The following SP3 variants were observed in gnomAD, a reference collection of about 807,000 sequenced individuals.
The protein encoded by SP3 is transcription factor Sp3.
SP3 carries 10 observed loss-of-function variants against 70.3 expected under a neutral mutation model. That is an observed-to-expected ratio of 0.14 (90% CI 0.09 to 0.24). The LOEUF (loss-of-function observed/expected upper bound fraction) is 0.24. Ranked by LOEUF, SP3 falls within the 10% of genes least tolerant of loss-of-function variation. The pLI is 1.00. For synonymous variants in SP3, 402 were observed against 333.5 expected, an observed-to-expected ratio of 1.21 and a Z score of -2.24; for missense variants, 825 against 914.6, an observed-to-expected ratio of 0.90 and a Z score of 1.26.
chr2:173,963,075 C>A (rs1691137856), intron 3 of SP3: 1 of 152,186 alleles, frequency 6.6e-6, no homozygotes, highest in African/African-American at 2.4e-5. Flanking sequence ...CTTACACATA[C>A]TTTTCTAACA....
At position 173,963,871 on chromosome 2, in the gene SP3, A is replaced by G; in HGVS notation, c.169T>C (p.Ser57Pro). 1 of 1,507,118 alleles carries G rather than the reference A, an allele frequency of 6.6e-7. No homozygotes were observed. The highest frequency in any genetic ancestry group is 8.9e-7 in the Non-Finnish European group (1 of 1,125,642). 93.4% of individuals were successfully genotyped at this position (1,507,118 alleles called of 1,614,324 possible). A position where few individuals can be genotyped will look rare whatever the true frequency, so the allele number is the denominator to read the frequency against. The change falls in exon 3 of 7, where the codon TCA becomes CCA. Residue 57 changes from serine (S) to proline (P), a missense_variant. Transcript: ENST00000310015. Reference sequence around the variant, plus strand: ...GTAGCGGCCAGCAGAGCGAGCGGTGACGGCTGAGTGTCCTACCCCCAATGG... The same window carrying G: ...GTAGCGGCCAGCAGAGCGAGCGGTGGCGGCTGAGTGTCCTACCCCCAATGG... ...AAAAAQDTQP[S>P]PLALLAATCS...
intron 1 of SP3, chr2:173,964,831 TTCGCGCCGCTCGCTCTCACTCGCGC>T: frequency 2.2e-6 from 1 of 464,686 alleles, no homozygotes; most frequent in South Asian, 3.3e-5. Flanking sequence ...CCCCTTTCCC[TTCGCGCCGCTCGCTCTCACTCGCGC>T]TCGCTCCTCT....
chr2:173,916,693 C>G (rs1461132439), intron 5 of SP3: 1 of 152,046 alleles, frequency 6.6e-6, no homozygotes, highest in Non-Finnish European at 1.5e-5. Flanking sequence ...ACTAGATACT[C>G]TCACACACTG....
chr2:173,910,317 T>C, intron 6 of SP3, 60 bp from the exon 7 acceptor site: 8 of 1,435,424 alleles, frequency 5.6e-6, no homozygotes, highest in Non-Finnish European at 7.8e-6. Flanking sequence ...AGCTCAATCA[T>C]CTCCCCCAAA....
At chr2:173,951,628 G>A (rs6433457) in intron 4 of SP3, among the ~76,000 whole-genome samples, 42,807 of 151,914 alleles carry the variant, frequency 0.28, 6,614 homozygotes, top group African/African-American at 0.41. Flanking sequence ...ATCTACTCAC[G>A]GATATCTACC....
chr2:173,964,897 C>A (rs999556129), intron 1 of SP3: 5 of 508,812 alleles, frequency 9.8e-6, no homozygotes, highest in Non-Finnish European at 1.7e-5. Context: ...CACGCCCGCC[C>A]GCGCCCGCAC....
rs550850804 is a variant in SP3, at chr2:173,915,397, T to A, written c.1833-2131A>T. ...AAGGCTTGAAGGGAGAGAACTGAAG[T>A]GAATTTCTCAACAAAGTTCAGGAAT... On this transcript the variant is annotated intron_variant, in intron 5 of 6. Coordinates refer to ENST00000310015, the MANE Select transcript of SP3 (RefSeq NM_003111.5). 2.6e-5 allele frequency: 4 copies of A among 152,282 alleles called. No homozygotes were observed. The South Asian group carries it at 8.3e-4, about 32-fold the overall frequency. 9.4% of individuals were successfully genotyped at this position (152,282 alleles called of 1,614,324 possible).
intron 3 of SP3, among the ~76,000 whole-genome samples, chr2:173,958,922 T>C (rs1462753516): frequency 2.0e-5 from 3 of 152,100 alleles, no homozygotes; most frequent in Non-Finnish European, 4.4e-5. Flanking sequence ...AATATTAAAT[T>C]TTATAAACTA....
At position 173,922,293 on chromosome 2, in the gene SP3, T is replaced by G. The variant is rs373150440; in HGVS notation, c.1640-3508A>C. Among the ~76,000 whole-genome samples, 275 of 151,844 alleles carry G rather than the reference T, an allele frequency of 1.8e-3. 1 individual carries two copies. Among genetic ancestry groups the G allele is most frequent in the African/African-American group, 5.6e-3 (234 of 41,428 alleles). On this transcript the variant is annotated intron_variant, in intron 4 of 6. Coordinates refer to ENST00000310015, the MANE Select transcript of SP3 (RefSeq NM_003111.5). The stretch of plus-strand genomic sequence containing the variant: ...AGAAGTTAAAAACACTCCCAAGGTT[T>G]TTTTTTTTTTAAATCCTGAGCAACT...
In SP3 at chr2:173,909,267, AACAAG is replaced by A. The variant is rs903494149; in HGVS notation, c.*669_*673del. ...CCAACTTCGTTATTGAAAGAATATTAACAAGACATTATTTTGGCAAATTAAATCTT... is the reference window on the plus strand; with the variant it reads ...CCAACTTCGTTATTGAAAGAATATTAACATTATTTTGGCAAATTAAATCTT... On this transcript the variant is annotated 3_prime_UTR_variant, in exon 7 of 7. Transcript: ENST00000310015. The A allele has an allele frequency of 1.3e-5, 2 of 152,520 alleles. No homozygotes were observed. Among genetic ancestry groups the A allele is most frequent in the African/African-American group, 2.4e-5 (1 of 41,446 alleles). 9.4% of individuals were successfully genotyped at this position (152,520 alleles called of 1,614,324 possible).
At position 173,907,163 on chromosome 2, in the gene SP3, T is replaced by TTGAGG. The variant is rs1689350995; in HGVS notation, c.*2773_*2777dup. 6.6e-6 allele frequency: 1 copy of TTGAGG among 152,150 alleles called. No individual in the cohort carries two copies. The highest frequency in any genetic ancestry group is 2.4e-5 in the African/African-American group (1 of 41,438). 9.4% of individuals were successfully genotyped at this position (152,150 alleles called of 1,614,324 possible). On this transcript the variant is annotated 3_prime_UTR_variant, in exon 7 of 7. Coordinates refer to ENST00000310015, the MANE Select transcript of SP3 (RefSeq NM_003111.5). ...AAGTGATACTTTCTTAAATTAAAAT[T>TTGAGG]TGAGGTATACAGATAATCGCGTCCA...
Position 173,905,286 on chromosome 2 carries a change from G to A in SP3, c.*4655C>T, listed in dbSNP as rs1021073811. ...GGGGGGAGGAAGGCATTGGAAGGAGGTTACCATTTGAATCTCTACCGTTAA... is the reference window on the plus strand; with the variant it reads ...GGGGGGAGGAAGGCATTGGAAGGAGATTACCATTTGAATCTCTACCGTTAA... On this transcript the variant is annotated 3_prime_UTR_variant, in exon 7 of 7. Coordinates refer to ENST00000310015, the MANE Select transcript of SP3 (RefSeq NM_003111.5). Among the ~76,000 whole-genome samples the A allele has an allele frequency of 8.5e-5, 13 of 152,164 alleles. No individual in the cohort carries two copies. The highest frequency in any genetic ancestry group is 5.9e-5 in the Non-Finnish European group (4 of 68,030).
rs967021731 is a variant in SP3 at position 173,906,096 on chromosome 2, TTC to T, written c.*3843_*3844del. ...TAGGAATCACTGACAAAAAAAATTCTTCTCTTTTGCAATTTGGCAGCCCCTCT... is the reference window on the plus strand; with the variant it reads ...TAGGAATCACTGACAAAAAAAATTCTTCTTTTGCAATTTGGCAGCCCCTCT... On this transcript the variant is annotated 3_prime_UTR_variant, in exon 7 of 7. Transcript: ENST00000310015. 2.1e-4 allele frequency among the ~76,000 whole-genome samples: 32 copies of T among 152,272 alleles called. No homozygotes were observed. Among genetic ancestry groups the T allele is most frequent in the African/African-American group, 4.3e-4 (18 of 41,550 alleles).
intron 4 of SP3, among the ~76,000 whole-genome samples, chr2:173,938,349 C>T (rs1371716055): frequency 3.3e-5 from 5 of 149,718 alleles, no homozygotes; most frequent in South Asian, 2.1e-4. Context: ...CCCAGCTACT[C>T]GGGAGAGGCT....
chr2:173,948,539 T>C (rs890271398), intron 4 of SP3, among the ~76,000 whole-genome samples: 4 of 152,188 alleles, frequency 2.6e-5, no homozygotes, highest in African/African-American at 9.7e-5. Flanking sequence ...GGGGCGACTA[T>C]TCTATTTTCA....
At chr2:173,959,348 CAAA>C (rs77445532) in intron 3 of SP3, among the ~76,000 whole-genome samples, 2 of 123,952 alleles carry the variant, frequency 1.6e-5, no homozygotes. Context: ...CATCTGAGAC[CAAA>C]AAAAAAAAAA....
At chr2:173,913,309 T>A in intron 5 of SP3, 43 bp from the exon 6 acceptor site, 1 of 1,339,098 alleles carries the variant, frequency 7.5e-7, no homozygotes, top group Non-Finnish European at 9.9e-7. Context: ...TATGAAAATA[T>A]TCAAATGGAC....
rs577633267 is a variant in SP3, at chr2:173,906,904, G to T, written c.*3037C>A. 5.9e-5 allele frequency: 9 copies of T among 152,266 alleles called. No homozygotes were observed. The highest frequency in any genetic ancestry group is 2.2e-4 in the African/African-American group (9 of 41,546). 9.4% of individuals were successfully genotyped at this position (152,266 alleles called of 1,614,324 possible). A position where few individuals can be genotyped will look rare whatever the true frequency, so the allele number is the denominator to read the frequency against. On this transcript the variant is annotated 3_prime_UTR_variant, in exon 7 of 7. Coordinates refer to ENST00000310015, the MANE Select transcript of SP3 (RefSeq NM_003111.5). ...AAAATGCTCCCCAGCAATTTCTAATGAACAATACTGTTTAAGAACTATTTT... is the reference window on the plus strand; with the variant it reads ...AAAATGCTCCCCAGCAATTTCTAATTAACAATACTGTTTAAGAACTATTTT...
chr2:173,960,587 CTTAT>C (rs1425501153), intron 3 of SP3, among the ~76,000 whole-genome samples: 1 of 152,192 alleles, frequency 6.6e-6, no homozygotes, highest in Non-Finnish European at 1.5e-5. Context: ...TAAGCTATTA[CTTAT>C]TTTTTAGCTC....
Sources: gnomAD v4.1 joint callset for allele counts (sites outside exome capture counted in the v4.1 genomes callset) on GRCh38, gnomAD v4.1.1 for gene constraint, MANE v1.5 for transcripts, NCBI Gene and HGNC (gene_info 2026-07-23, HGNC 2026-07-21) for gene names.